The following DEPDC1B variants were observed in gnomAD, a reference collection of about 807,000 sequenced individuals.
DEPDC1B encodes DEP domain containing 1B.
DEPDC1B carries 51 observed loss-of-function variants against 66.5 expected under a neutral mutation model. That is an observed-to-expected ratio of 0.77 (90% CI 0.61 to 0.97). The LOEUF (loss-of-function observed/expected upper bound fraction) is 0.97. DEPDC1B is among the 50% of genes least tolerant of loss of function. DEPDC1B has a pLI of 0.00. For synonymous variants in DEPDC1B, 226 were observed against 223.6 expected, an observed-to-expected ratio of 1.01 and a Z score of -0.10; for missense variants, 552 against 637.1, an observed-to-expected ratio of 0.87 and a Z score of 1.44.
At chr5:60,617,276 C>T (rs567614531) in intron 7 of DEPDC1B, among the ~76,000 whole-genome samples, 1 of 152,284 alleles carries the variant, frequency 6.6e-6, no homozygotes, top group African/African-American at 2.4e-5. Context: ...GGATCAAATT[C>T]ACACGTAACA....
intron 7 of DEPDC1B, among the ~76,000 whole-genome samples, chr5:60,616,032 G>A (rs1000224463): frequency 1.3e-5 from 2 of 152,122 alleles, no homozygotes; most frequent in Non-Finnish European, 2.9e-5. Context: ...AGGCAAACAG[G>A]GTCTGGAGTG....
At chr5:60,660,278 CAGAG>C (rs550466493) in intron 2 of DEPDC1B, among the ~76,000 whole-genome samples, 1 of 130,838 alleles carries the variant, frequency 7.6e-6, no homozygotes, top group African/African-American at 3.1e-5. Context: ...GAGAGAGAGA[CAGAG>C]AGGAGAGAGA....
chr5:60,634,315 CT>C (rs1226107550), intron 7 of DEPDC1B, among the ~76,000 whole-genome samples: 2 of 152,220 alleles, frequency 1.3e-5, no homozygotes, highest in African/African-American at 2.4e-5. Context: ...CAACCACTTG[CT>C]GACCATACAT....
intron 10 of DEPDC1B, among the ~76,000 whole-genome samples, chr5:60,598,810 T>C (rs1752145908): frequency 6.6e-6 from 1 of 152,172 alleles, no homozygotes; most frequent in South Asian, 2.1e-4. Context: ...TCATGCCACA[T>C]ACCAAAACAA....
At position 60,599,202 on chromosome 5, in the gene DEPDC1B, T is replaced by G. The variant is rs1244172330; in HGVS notation, c.1301A>C (p.Gln434Pro). 6.2e-7 allele frequency: 1 copy of G among 1,612,216 alleles called. No homozygotes were observed. Among genetic ancestry groups the G allele is most frequent in the African/African-American group, 1.3e-5 (1 of 74,788 alleles). The change falls in exon 10 of 11, where the codon CAA (glutamine) becomes CCA (proline). Residue 434 changes from glutamine to proline, a missense_variant. By Grantham distance (76) the Gln-to-Pro change is moderately conservative (BLOSUM62 -1). Coordinates refer to ENST00000265036, the MANE Select transcript of DEPDC1B (RefSeq NM_018369.3). ...ATATTCAAATTCCTCTGGACTAATT[T>G]GACGGCAAAATGATGGAGCAGATAA... ...ITLSAPSFCR[Q>P]ISPEEFEYQR...
intron 7 of DEPDC1B, among the ~76,000 whole-genome samples, chr5:60,622,915 G>T (rs1171381994): frequency 2.6e-5 from 4 of 152,006 alleles, no homozygotes; most frequent in Non-Finnish European, 5.9e-5. Context: ...TAAGTATTTT[G>T]TGAGCTATGT....
chr5:60,662,892 G>A (rs1753752485), intron 2 of DEPDC1B, among the ~76,000 whole-genome samples: 1 of 152,094 alleles, frequency 6.6e-6, no homozygotes, highest in African/African-American at 2.4e-5. Context: ...CACTGACGTG[G>A]CCTTCTCAGT....
intron 2 of DEPDC1B, among the ~76,000 whole-genome samples, chr5:60,670,075 C>T (rs917989080): frequency 3.9e-5 from 6 of 152,034 alleles, no homozygotes; most frequent in African/African-American, 1.2e-4. Context: ...CACCAAAAAA[C>T]ATGAACTACT....
chr5:60,660,244 GGAGAGACAGAGAGGA>G (rs1238898123), intron 2 of DEPDC1B, among the ~76,000 whole-genome samples: 5 of 148,192 alleles, frequency 3.4e-5, no homozygotes, highest in South Asian at 2.2e-4. Context: ...CAGACAGAGA[GGAGAGACAGAGAGGA>G]GAGAGACAGA....
chr5:60,623,630 A>C (rs185955822), intron 7 of DEPDC1B, among the ~76,000 whole-genome samples: 9 of 152,156 alleles, frequency 5.9e-5, no homozygotes, highest in African/African-American at 2.2e-4. Context: ...TCAATATTGC[A>C]TATCTTTCAG....
chr5:60,677,148 TG>T (rs1188130272), intron 2 of DEPDC1B, among the ~76,000 whole-genome samples: 1 of 152,150 alleles, frequency 6.6e-6, no homozygotes, highest in Non-Finnish European at 1.5e-5. Context: ...AGAAAAAACT[TG>T]ATGACTAAAC....
rs185600380 is a variant in DEPDC1B, at chr5:60,637,217, G to A, written c.898+1533C>T. Among the ~76,000 whole-genome samples, 14 of 152,278 alleles carry A rather than the reference G, an allele frequency of 9.2e-5. No homozygotes were observed. In the East Asian group the frequency reaches 9.6e-4, roughly 10 times the overall value. ...TGTTGAAAGGTAATCTCCAGTGTTC[G>A]AGGTGGGGCATGGTGGGAGGTGATT... On this transcript the variant is annotated intron_variant, in intron 7 of 10. Coordinates refer to ENST00000265036, the MANE Select transcript of DEPDC1B (RefSeq NM_018369.3).
At chr5:60,695,725 C>A (rs1339998403) in intron 1 of DEPDC1B, among the ~76,000 whole-genome samples, 2 of 152,214 alleles carry the variant, frequency 1.3e-5, no homozygotes, top group Non-Finnish European at 2.9e-5. Flanking sequence ...TCATTACAGT[C>A]AATTAATACC....
intron 2 of DEPDC1B, among the ~76,000 whole-genome samples, chr5:60,650,832 G>C (rs753169720): frequency 6.6e-6 from 1 of 152,142 alleles, no homozygotes; most frequent in African/African-American, 2.4e-5. Flanking sequence ...TCAAGAGGCA[G>C]AATGTCTTTC....
At chr5:60,615,169 A>G (rs1389392727) in intron 7 of DEPDC1B, among the ~76,000 whole-genome samples, 1 of 152,168 alleles carries the variant, frequency 6.6e-6, no homozygotes, top group African/African-American at 2.4e-5. Flanking sequence ...GGGGGGATGG[A>G]ACCAAGATGG....
chr5:60,622,299 C>A (rs988764825), intron 7 of DEPDC1B, among the ~76,000 whole-genome samples: 11 of 152,122 alleles, frequency 7.2e-5, no homozygotes, highest in Non-Finnish European at 1.6e-4. Context: ...TTCCCCTTTC[C>A]TAGAATTTCA....
intron 7 of DEPDC1B, among the ~76,000 whole-genome samples, chr5:60,608,477 AATT>A (rs1752354129): frequency 2.0e-5 from 3 of 148,596 alleles, no homozygotes; most frequent in Non-Finnish European, 4.5e-5. Context: ...ATATTATGTT[AATT>A]ATTAGCCAGT....
chr5:60,644,642 AC>A (rs1352269952), intron 5 of DEPDC1B, 102 bp downstream of exon 5: 41 of 959,622 alleles, frequency 4.3e-5, no homozygotes, highest in Non-Finnish European at 5.3e-5. Flanking sequence ...TAATGAAGGA[AC>A]AAACTTATTC....
intron 1 of DEPDC1B, among the ~76,000 whole-genome samples, chr5:60,695,238 C>T (rs974682381): frequency 6.6e-6 from 1 of 152,090 alleles, no homozygotes. Context: ...AATCAGCTTA[C>T]GGTTCTGCAG....
Sources: gnomAD v4.1 joint callset for allele counts (sites outside exome capture counted in the v4.1 genomes callset) on GRCh38, gnomAD v4.1.1 for gene constraint, MANE v1.5 for transcripts, NCBI Gene and HGNC (gene_info 2026-07-23, HGNC 2026-07-21) for gene names.